HTR2C: variants seen among roughly 807,000 people sequenced by gnomAD.
The protein encoded by HTR2C is 5-hydroxytryptamine receptor 2C.
HTR2C carries 5 observed loss-of-function variants against 21.0 expected under a neutral mutation model. The ratio of observed to expected loss-of-function variants is 0.24; its 90% CI spans 0.12 to 0.50. The LOEUF (loss-of-function observed/expected upper bound fraction) is 0.50, where lower values mean the gene tolerates loss of function less well. HTR2C is among the 20% of genes least tolerant of loss of function. HTR2C has a pLI of 0.98. For missense variants in HTR2C, 271 were observed against 371.2 expected (o/e 0.73, Z 2.22); for synonymous variants, 150 against 145.3 (o/e 1.03, Z -0.23).
At chrX:114,757,339 A>C (rs1359798461) in intron 4 of HTR2C, among the ~76,000 whole-genome samples, 1 of 111,743 alleles carries the variant, frequency 8.9e-6, no homozygotes, top group African/African-American at 3.2e-5. Flanking sequence ...TTTATATTTC[A>C]ATCACATCTC....
intron 5 of HTR2C, among the ~76,000 whole-genome samples, chrX:114,869,062 A>T (rs1013834127): frequency 9.1e-6 from 1 of 110,208 alleles, no homozygotes; most frequent in African/African-American, 3.3e-5. Flanking sequence ...TCATCGTTCA[A>T]TTCCCACCTA....
intron 2 of HTR2C, among the ~76,000 whole-genome samples, chrX:114,628,405 A>ATTTTTT (rs35975864): frequency 1.1e-4 from 5 of 43,885 alleles, no homozygotes; most frequent in Non-Finnish European, 1.8e-4. Context: ...TGCCAGGCTA[A>ATTTTTT]TTTTTTTTTT....
chrX:114,697,938 G>A (rs1932327315), intron 2 of HTR2C, among the ~76,000 whole-genome samples: 1 of 112,047 alleles, frequency 8.9e-6, no homozygotes, highest in African/African-American at 3.2e-5. Flanking sequence ...GGTGCCAGCT[G>A]GGCCCAGCTC....
At chrX:114,826,404 A>T (rs1488008190) in intron 4 of HTR2C, among the ~76,000 whole-genome samples, 1 of 111,901 alleles carries the variant, frequency 8.9e-6, no homozygotes, top group African/African-American at 3.3e-5. Flanking sequence ...TGGTGCCACA[A>T]GTAGAAAATT....
intron 4 of HTR2C, among the ~76,000 whole-genome samples, chrX:114,795,882 A>G (rs1054631729): frequency 9.0e-6 from 1 of 111,584 alleles, no homozygotes; most frequent in African/African-American, 3.3e-5. Context: ...TCAAAGATCT[A>G]TGTTCCAGAC....
At chrX:114,865,030 C>T (rs1556474144) in intron 5 of HTR2C, among the ~76,000 whole-genome samples, 2 of 109,236 alleles carry the variant, frequency 1.8e-5, no homozygotes, top group African/African-American at 6.7e-5. Context: ...ATCATGAAAA[C>T]ATCCATCCCC....
intron 4 of HTR2C, among the ~76,000 whole-genome samples, chrX:114,794,188 A>C (rs1213199430): frequency 9.0e-6 from 1 of 111,112 alleles, no homozygotes; most frequent in East Asian, 2.9e-4. Context: ...ATATAACCAA[A>C]ATGCCTGCAC....
At chrX:114,722,684 A>T (rs12396497) in intron 2 of HTR2C, among the ~76,000 whole-genome samples, 3 of 99,335 alleles carry the variant, frequency 3.0e-5, no homozygotes, top group South Asian at 5.2e-4. Context: ...TTTGAGATAC[A>T]TCCCATCAAT....
intron 4 of HTR2C, among the ~76,000 whole-genome samples, chrX:114,751,449 GTTTACA>G (rs1253072180): frequency 8.9e-6 from 1 of 111,940 alleles, no homozygotes; most frequent in South Asian, 3.7e-4. Flanking sequence ...AACACTCATA[GTTTACA>G]TTTAAAAGGC....
At chrX:114,678,323 G>A (rs957154186) in intron 2 of HTR2C, among the ~76,000 whole-genome samples, 1 of 107,853 alleles carries the variant, frequency 9.3e-6, no homozygotes, top group Non-Finnish European at 1.9e-5. Flanking sequence ...AGATTGATGT[G>A]AAACAGACCT....
intron 2 of HTR2C, among the ~76,000 whole-genome samples, chrX:114,615,821 C>G (rs1928926233): frequency 8.9e-6 from 1 of 112,139 alleles, no homozygotes; most frequent in Non-Finnish European, 1.9e-5. Flanking sequence ...CCTGTTGACA[C>G]TTTGCTCTTA....
intron 5 of HTR2C, among the ~76,000 whole-genome samples, chrX:114,862,954 A>G (rs1556473464): frequency 1.8e-5 from 2 of 110,966 alleles, no homozygotes; most frequent in Non-Finnish European, 3.8e-5. Context: ...CTGTCTTACT[A>G]TGCCTGGCTT....
intron 1 of HTR2C, among the ~76,000 whole-genome samples, chrX:114,607,906 G>A (rs1273606349): frequency 9.0e-6 from 1 of 110,829 alleles, no homozygotes; most frequent in African/African-American, 3.3e-5. Context: ...GAGAATTGCT[G>A]GAACCGGGAG....
At chrX:114,781,543 C>T (rs978212623) in intron 4 of HTR2C, among the ~76,000 whole-genome samples, 2 of 109,248 alleles carry the variant, frequency 1.8e-5, no homozygotes, top group African/African-American at 3.3e-5. Flanking sequence ...CTCTTTCGCC[C>T]ACTTTGGAGT....
intron 2 of HTR2C, among the ~76,000 whole-genome samples, chrX:114,694,501 A>G (rs1467290028): frequency 5.4e-5 from 2 of 36,905 alleles, no homozygotes; most frequent in Non-Finnish European, 1.1e-4. Context: ...ATACACACAC[A>G]GATTTAGACA....
intron 2 of HTR2C, among the ~76,000 whole-genome samples, chrX:114,708,990 C>CA (rs1402218446): frequency 9.0e-6 from 1 of 111,672 alleles, no homozygotes; most frequent in Non-Finnish European, 1.9e-5. Flanking sequence ...ACAGTGATAG[C>CA]AATATCAAAG....
intron 4 of HTR2C, among the ~76,000 whole-genome samples, chrX:114,754,664 A>G (rs781917532): frequency 4.5e-5 from 5 of 111,020 alleles, no homozygotes; most frequent in Non-Finnish European, 9.4e-5. Context: ...ACAATGTAAA[A>G]CTATAAAACT....
chrX:114,666,642 C>A (rs1353163593), intron 2 of HTR2C, among the ~76,000 whole-genome samples: 1 of 110,740 alleles, frequency 9.0e-6, no homozygotes, highest in Non-Finnish European at 1.9e-5. Flanking sequence ...TGAACACTCA[C>A]TTTTTTTTCT....
chrX:114,708,690 C>G (rs782134353), intron 2 of HTR2C, among the ~76,000 whole-genome samples: 58 of 110,784 alleles, frequency 5.2e-4, no homozygotes, highest in African/African-American at 1.6e-3. Context: ...GCCTTTAGTC[C>G]TACCTACTAG....
Sources: allele counts gnomAD v4.1 joint callset (sites outside exome capture counted in the v4.1 genomes callset), GRCh38; gene constraint gnomAD v4.1.1; transcripts MANE v1.5; gene names NCBI Gene and HGNC (gene_info 2026-07-23, HGNC 2026-07-21).